Variants in BRIX1 observed in about 807,000 individuals in gnomAD.
BRIX1 encodes the protein ribosome biogenesis protein BRX1 homolog.
A neutral mutation model predicts 44.0 loss-of-function variants in BRIX1; 15 were observed. That is an observed-to-expected ratio of 0.34 (90% CI 0.23 to 0.53). The LOEUF (loss-of-function observed/expected upper bound fraction) is 0.53, where lower values mean the gene tolerates loss of function less well. BRIX1 is among the 20% of genes least tolerant of loss of function. The pLI is 0.95. For missense variants in BRIX1, 420 were observed against 432.8 expected (o/e 0.97, Z 0.26); for synonymous variants, 149 against 135.4 (o/e 1.10, Z -0.70).
rs201632829 is a variant in BRIX1, at chr5:34,922,748, C to G, written c.490C>G (p.Pro164Ala). ...MTGNCLKGSR[P>A]LLSFDPAFDE... The stretch of plus-strand genomic sequence containing the variant: ...TGGAAACTGTTTGAAAGGTTCTCGG[C>G]CCCTTTTGTCTTTTGACCCTGTAAG... The change falls in exon 6 of 10, where the codon CCC (proline) becomes GCC (alanine). Residue 164 changes from proline to alanine, a missense_variant. Pro to Ala is a conservative substitution (Grantham distance 27). Coordinates refer to ENST00000336767, the MANE Select transcript of BRIX1 (RefSeq NM_018321.4). The G allele has an allele frequency of 4.3e-6, 7 of 1,613,962 alleles. No individual in the cohort carries two copies. The highest frequency in any genetic ancestry group is 5.9e-6 in the Non-Finnish European group (7 of 1,179,900).
intron 4 of BRIX1, 56 bp from the exon 5 acceptor site, chr5:34,922,483 G>A: frequency 9.2e-7 from 1 of 1,082,920 alleles, no homozygotes; most frequent in Non-Finnish European, 1.4e-6. Flanking sequence ...TGAATAGGTG[G>A]TAAGCATTGA....
chr5:34,924,973 A>T lies in BRIX1; in HGVS notation c.790A>T (p.Met264Leu). The change falls in exon 9 of 10, where the codon ATG (methionine) becomes TTG (leucine). Residue 264 changes from methionine to leucine, a missense_variant and splice_region_variant. Met to Leu is a conservative substitution (Grantham distance 15). Transcript: ENST00000336767. ...AAATCCTCACTACCAGTCACCAAAC[A>T]TGGTAAGCGGTTGTGTCATTCAGTA... ...YENPHYQSPN[M>L]HRRVIRSITA... 1.9e-6 allele frequency: 3 copies of T among 1,612,860 alleles called. No individual in the cohort carries two copies. Among genetic ancestry groups the T allele is most frequent in the Non-Finnish European group, 2.5e-6 (3 of 1,179,632 alleles).
chr5:34,923,290 A>G, intron 8 of BRIX1, 56 bp downstream of exon 8: 1 of 1,354,824 alleles, frequency 7.4e-7, no homozygotes, highest in Non-Finnish European at 1.0e-6. Flanking sequence ...TTATTTATTT[A>G]TGTTTTGAGA....
In BRIX1 at chr5:34,925,229, C is replaced by T. The variant is rs201469494; in HGVS notation, c.796C>T (p.Arg266Trp). The T allele has an allele frequency of 3.5e-4, 526 of 1,511,072 alleles. No homozygotes were observed. The highest frequency in any genetic ancestry group is 4.3e-4 in the Non-Finnish European group (489 of 1,131,928). The allele number at this position is 1,511,072 out of a possible 1,614,324, so 93.6% of individuals were successfully genotyped here. A position where few individuals can be genotyped will look rare whatever the true frequency, so the allele number is the denominator to read the frequency against. The change falls in exon 10 of 10, where the codon CGG becomes TGG. Residue 266 changes from arginine to tryptophan, a missense_variant. Transcript: ENST00000336767. ...AATCTTTTTTTTTTTTTTTTAGCAT[C>T]GGCGTGTCATAAGATCCATCACAGC... Reference protein sequence around the residue: ...NPHYQSPNMHRRVIRSITAAK... With the variant: ...NPHYQSPNMHWRVIRSITAAK...
Position 34,924,957 on chromosome 5 carries a change from C to T in BRIX1, c.774C>T (p.His258=), listed in dbSNP as rs1314790403. 7.4e-6 allele frequency: 12 copies of T among 1,613,234 alleles called. No homozygotes were observed. Among genetic ancestry groups the T allele is most frequent in the Non-Finnish European group, 9.3e-6 (11 of 1,179,744 alleles). The part of the protein sequence containing the change: ...FGGPTLYENP[H]YQSPNMHRRV... ...GACCAACTTTATATGAAAATCCTCACTACCAGTCACCAAACATGGTAAGCG... is the reference window on the plus strand; with the variant it reads ...GACCAACTTTATATGAAAATCCTCATTACCAGTCACCAAACATGGTAAGCG... The change falls in exon 9 of 10, where the codon CAC becomes CAT. Residue 258 remains histidine, a synonymous_variant. Transcript: ENST00000336767.
In BRIX1 at chr5:34,925,418, T is replaced by G; in HGVS notation, c.985T>G (p.Leu329Val). ...QWVKPEPKVD[L>V]KARKKRIYKR... ...GGTAAAACCAGAGCCAAAAGTTGAT[T>G]TGAAAGCAAGAAAGAAACGGATTTA... The change falls in exon 10 of 10, where the codon TTG becomes GTG. Residue 329 changes from leucine (L) to valine (V), a missense_variant. Physicochemically the swap from Leu to Val is conservative, Grantham distance 32. Coordinates refer to ENST00000336767, the MANE Select transcript of BRIX1 (RefSeq NM_018321.4). 3 of 1,613,806 alleles carry G rather than the reference T, an allele frequency of 1.9e-6. No individual in the cohort carries two copies. The highest frequency in any genetic ancestry group is 2.5e-6 in the Non-Finnish European group (3 of 1,179,952).
At chr5:34,915,965 C>G (rs945783425) in intron 1 of BRIX1, 68 bp downstream of exon 1, 5 of 1,461,310 alleles carry the variant, frequency 3.4e-6, no homozygotes, top group Non-Finnish European at 4.5e-6. Flanking sequence ...GGGTTACTTA[C>G]TTGACTACAG....
Position 34,923,128 on chromosome 5 carries a change from A to G in BRIX1, c.562-5A>G. ...TAAGGAACTAACATACACTTTTTTAACTAGATCTTTAGTACACCACGGTAT... is the reference window on the plus strand; with the variant it reads ...TAAGGAACTAACATACACTTTTTTAGCTAGATCTTTAGTACACCACGGTAT... On this transcript the variant is annotated splice_polypyrimidine_tract_variant and splice_region_variant and intron_variant, in intron 7 of 9. Coordinates refer to ENST00000336767, the MANE Select transcript of BRIX1 (RefSeq NM_018321.4). The G allele has an allele frequency of 6.2e-7, 1 of 1,610,722 alleles. No homozygotes were observed. The highest frequency in any genetic ancestry group is 1.7e-4 in the Middle Eastern group (1 of 6,052).
Position 34,924,892 on chromosome 5 carries a change from G to C in BRIX1, c.709G>C (p.Val237Leu), listed in dbSNP as rs769164380. Residue 237 changes from valine (V) to leucine (L), a missense_variant, in exon 9 of 10, where the codon GTC (valine) becomes CTC (leucine). Coordinates refer to ENST00000336767, the MANE Select transcript of BRIX1 (RefSeq NM_018321.4). ...TCTTGTAGAAATAGGACCTCGTTTTGTCTTAAATCTCATAAAGATTTTCCA... is the reference window on the plus strand; with the variant it reads ...TCTTGTAGAAATAGGACCTCGTTTTCTCTTAAATCTCATAAAGATTTTCCA... ...AALVEIGPRF[V>L]LNLIKIFQGS... 2.5e-6 allele frequency: 4 copies of C among 1,608,086 alleles called. No individual in the cohort carries two copies. In the East Asian group the frequency reaches 6.7e-5, roughly 27 times the overall value.
chr5:34,918,358 C>T lies in BRIX1; in HGVS notation c.160-6C>T. The T allele has an allele frequency of 7.4e-7, 1 of 1,346,242 alleles. No individual in the cohort carries two copies. The highest frequency in any genetic ancestry group is 1.2e-5 in the South Asian group (1 of 82,404). The allele number at this position is 1,346,242 out of a possible 1,614,324, so 83.4% of individuals were successfully genotyped here. On this transcript the variant is annotated splice_region_variant and splice_polypyrimidine_tract_variant and intron_variant, in intron 1 of 9. Transcript: ENST00000336767. Reference sequence around the variant, plus strand: ...TAAAATCTTTTAACATTTTCTTTTTCTTTAGGGAAAGTGGAAAAATAAGGA... The same window carrying T: ...TAAAATCTTTTAACATTTTCTTTTTTTTTAGGGAAAGTGGAAAAATAAGGA...
intron 1 of BRIX1, 103 bp downstream of exon 1, chr5:34,916,000 G>A (rs1280221547): frequency 1.5e-6 from 2 of 1,340,684 alleles, no homozygotes; most frequent in African/African-American, 1.5e-5. Flanking sequence ...AGAGTAGCCC[G>A]GGTGTTAACG....
At chr5:34,924,799 G>A in intron 8 of BRIX1, 48 bp from the exon 9 acceptor site, 1 of 1,348,362 alleles carries the variant, frequency 7.4e-7, no homozygotes, top group South Asian at 1.2e-5. Flanking sequence ...TATACCTTTT[G>A]GGAATAACGT....
chr5:34,918,261 G>T, intron 1 of BRIX1, 103 bp from the exon 2 acceptor site: 1 of 585,972 alleles, frequency 1.7e-6, no homozygotes, highest in Non-Finnish European at 3.0e-6. Context: ...ACTGCAGTGA[G>T]CCGTGAGCAC....
At chr5:34,920,640 T>C (rs150451871) in intron 3 of BRIX1, 2 of 152,342 alleles carry the variant, frequency 1.3e-5, no homozygotes, top group South Asian at 2.1e-4. Context: ...TTATAGGTTT[T>C]GGACAGCTGA....
At position 34,925,569 on chromosome 5, in the gene BRIX1, TCTAATACTATC is replaced by T; in HGVS notation, c.*75_*85del. The stretch of plus-strand genomic sequence containing the variant: ...ATTCAATGTGTAAATACTTTTATTA[TCTAATACTATC>T]TTACGTCTAATTAGTGTAGCATTTA... On this transcript the variant is annotated 3_prime_UTR_variant, in exon 10 of 10. Coordinates refer to ENST00000336767, the MANE Select transcript of BRIX1 (RefSeq NM_018321.4). 1 of 1,262,792 alleles carries T rather than the reference TCTAATACTATC, an allele frequency of 7.9e-7. No homozygotes were observed. Among genetic ancestry groups the T allele is most frequent in the Non-Finnish European group, 1.1e-6 (1 of 922,422 alleles). 78.2% of individuals were successfully genotyped at this position (1,262,792 alleles called of 1,614,324 possible). A position where few individuals can be genotyped will look rare whatever the true frequency, so the allele number is the denominator to read the frequency against.
intron 8 of BRIX1, among the ~76,000 whole-genome samples, chr5:34,923,754 C>CA (rs989467024): frequency 5.3e-5 from 8 of 152,108 alleles, no homozygotes; most frequent in Admixed American, 1.3e-4. Context: ...TTTGCATACA[C>CA]AAAAAATGCA....
chr5:34,923,807 AT>A (rs1313040867), intron 8 of BRIX1, among the ~76,000 whole-genome samples: 1 of 152,168 alleles, frequency 6.6e-6, no homozygotes, highest in African/African-American at 2.4e-5. Context: ...CCCTAAAGAG[AT>A]TGCTGCAAGT....
rs747594622 is a variant in BRIX1 at position 34,923,262 on chromosome 5, C to T, written c.663+28C>T. ...AAGCTTTACTTGATTTTTAATTATA[C>T]CTTTTTTTTAATTGAGTTTATTTAT... On this transcript the variant is annotated intron_variant, in intron 8 of 9. Transcript: ENST00000336767. 4.8e-6 allele frequency: 7 copies of T among 1,464,372 alleles called. No homozygotes were observed. The East Asian group carries it at 1.4e-4, about 28-fold the overall frequency. 90.7% of individuals were successfully genotyped at this position (1,464,372 alleles called of 1,614,324 possible). A position where few individuals can be genotyped will look rare whatever the true frequency, so the allele number is the denominator to read the frequency against.
rs199900887 is a variant in BRIX1 at position 34,924,902 on chromosome 5, T to C, written c.719T>C (p.Leu240Pro). ...ATAGGACCTCGTTTTGTCTTAAATCTCATAAAGATTTTCCAGGGAAGTTTT... is the reference window on the plus strand; with the variant it reads ...ATAGGACCTCGTTTTGTCTTAAATCCCATAAAGATTTTCCAGGGAAGTTTT... ...VEIGPRFVLN[L>P]IKIFQGSFGG... The change falls in exon 9 of 10, where the codon CTC becomes CCC. Residue 240 changes from leucine (L) to proline (P), a missense_variant. Physicochemically the swap from Leu to Pro is moderately conservative, Grantham distance 98. Coordinates refer to ENST00000336767, the MANE Select transcript of BRIX1 (RefSeq NM_018321.4). 9 of 1,611,058 alleles carry C rather than the reference T, an allele frequency of 5.6e-6. No homozygotes were observed. The highest frequency in any genetic ancestry group is 7.6e-6 in the Non-Finnish European group (9 of 1,177,290).
Sources: gnomAD v4.1 joint callset for allele counts (sites outside exome capture counted in the v4.1 genomes callset) on GRCh38, gnomAD v4.1.1 for gene constraint, MANE v1.5 for transcripts, NCBI Gene and HGNC (gene_info 2026-07-23, HGNC 2026-07-21) for gene names.